The following TMPRSS2 variants were observed in gnomAD, a reference collection of about 807,000 sequenced individuals.
TMPRSS2 encodes the protein transmembrane serine protease 2.
A neutral mutation model predicts 67.4 loss-of-function variants in TMPRSS2; 59 were observed. That is an observed-to-expected ratio of 0.88 (90% CI 0.71 to 1.09). The LOEUF (loss-of-function observed/expected upper bound fraction) is 1.09, where lower values mean the gene tolerates loss of function less well. Ranked by LOEUF, TMPRSS2 falls within the 50% of genes least tolerant of loss-of-function variation. The probability of loss-of-function intolerance (pLI) is 0.00; values close to 1 mark genes in which losing one functional copy is unlikely to be tolerated. For missense variants in TMPRSS2, 668 were observed against 642.7 expected, an observed-to-expected ratio of 1.04 and a Z score of -0.43; for synonymous variants, 257 against 257.0, an observed-to-expected ratio of 1.00 and a Z score of 0.00.
chr21:41,468,355 A>G (rs1469048257), intron 12 of TMPRSS2, 41 bp downstream of exon 12: 1 of 1,610,938 alleles, frequency 6.2e-7, no homozygotes, highest in Non-Finnish European at 8.5e-7. Context: ...GTTCAGTAGG[A>G]TCTGGTAAGG....
At position 41,496,289 on chromosome 21, in the gene TMPRSS2, T is replaced by C. The variant is rs992198225; in HGVS notation, c.16-1711A>G. On this transcript the variant is annotated intron_variant, in intron 2 of 13. Transcript: ENST00000332149. ...AAGGAGCATAGTCTCTGTGTTATCC[T>C]GCAAATACCTCTTCTACATCCTCTT... Among the ~76,000 whole-genome samples the C allele has an allele frequency of 3.3e-5, 5 of 152,326 alleles. No homozygotes were observed. In the South Asian group the frequency reaches 1.0e-3, roughly 32 times the overall value.
Position 41,464,661 on chromosome 21 carries a change from A to C in TMPRSS2, c.*1481T>G, listed in dbSNP as rs919650029. 5 of 233,180 alleles carry C rather than the reference A, an allele frequency of 2.1e-5. No individual in the cohort carries two copies. The highest frequency in any genetic ancestry group is 4.2e-5 in the Non-Finnish European group (5 of 118,040). 14.4% of individuals were successfully genotyped at this position (233,180 alleles called of 1,614,324 possible). On this transcript the variant is annotated 3_prime_UTR_variant, in exon 14 of 14. Coordinates refer to ENST00000332149, the MANE Select transcript of TMPRSS2 (RefSeq NM_005656.4). ...AAGACAAACAGTTGTTCACATAAAT[A>C]AGAAGGGGCAATAAAGAAGGAAGAC...
rs2146494634 is a variant in TMPRSS2 at position 41,498,111 on chromosome 21, C to G, written c.15+8G>C. On this transcript the variant is annotated splice_region_variant and intron_variant, in intron 2 of 13. Coordinates refer to ENST00000332149, the MANE Select transcript of TMPRSS2 (RefSeq NM_005656.4). ...AAAAGGCCAGGAAGGTAATAATTAA[C>G]CACTTACTGAGTTCAAAGCCATCTT... 1 of 1,598,334 alleles carries G rather than the reference C, an allele frequency of 6.3e-7. No individual in the cohort carries two copies. Among genetic ancestry groups the G allele is most frequent in the South Asian group, 1.1e-5 (1 of 90,134 alleles).
At chr21:41,467,570 G>C (rs1270938371) in intron 13 of TMPRSS2, among the ~76,000 whole-genome samples, 164 bp downstream of exon 13, 5 of 152,128 alleles carry the variant, frequency 3.3e-5, no homozygotes, top group African/African-American at 1.2e-4. Flanking sequence ...ATGGGCAATG[G>C]GTGGACACTG....
At chr21:41,497,703 G>A (rs997062609) in intron 2 of TMPRSS2, among the ~76,000 whole-genome samples, 29 of 152,178 alleles carry the variant, frequency 1.9e-4, no homozygotes, top group Admixed American at 1.2e-3. Flanking sequence ...CAGGGAGAGG[G>A]AAGGCCCGCC....
At chr21:41,475,606 TGAGGA>T (rs2091203622) in intron 8 of TMPRSS2, among the ~76,000 whole-genome samples, 1 of 11,988 alleles carries the variant, frequency 8.3e-5, no homozygotes, top group Non-Finnish European at 2.1e-4. Context: ...AGGGGGAGAG[TGAGGA>T]GGTGAGGAGG....
chr21:41,494,472 G>T lies in TMPRSS2; in HGVS notation c.122C>A (p.Pro41Gln). 1 of 1,614,062 alleles carries T rather than the reference G, an allele frequency of 6.2e-7. No individual in the cohort carries two copies. The highest frequency in any genetic ancestry group is 8.5e-7 in the Non-Finnish European group (1 of 1,179,980). The stretch of plus-strand genomic sequence containing the variant: ...CACGGGGGACGGGTAGTACTGAGCC[G>T]GATGCACCTCGTAGACAGTGGGGAC... ...TVVPTVYEVH[P>Q]AQYYPSPVPQ... Residue 41 changes from proline to glutamine, a missense_variant, in exon 3 of 14, where the codon CCG becomes CAG. Pro to Gln is a moderately conservative substitution (Grantham distance 76). Coordinates refer to ENST00000332149, the MANE Select transcript of TMPRSS2 (RefSeq NM_005656.4).
At chr21:41,507,951 T>G (rs991895837) in intron 1 of TMPRSS2, 130 bp downstream of exon 1, 2 of 1,480,438 alleles carry the variant, frequency 1.4e-6, no homozygotes, top group Non-Finnish European at 1.8e-6. Flanking sequence ...CGCACTCACC[T>G]GCCGCGCCGC....
chr21:41,501,776 G>T (rs1307521013), intron 1 of TMPRSS2, among the ~76,000 whole-genome samples: 1 of 152,156 alleles, frequency 6.6e-6, no homozygotes, highest in Non-Finnish European at 1.5e-5. Flanking sequence ...TTCAAAACAG[G>T]CATTTCCTCA....
In TMPRSS2 at chr21:41,478,024, C is replaced by T. The variant is rs115967323; in HGVS notation, c.683+1148G>A. On this transcript the variant is annotated intron_variant, in intron 7 of 13. Transcript: ENST00000332149. The surrounding 1 kb of genome is among the most constrained non-coding windows in gnomAD (Gnocchi z 4.0). ...CTCCTCCCCTCCCCCCGTCCCTGCC[C>T]GGCTGGACTTGGCTCCCTGATTCCG... 3.3e-5 allele frequency among the ~76,000 whole-genome samples: 5 copies of T among 152,348 alleles called. No homozygotes were observed. The highest frequency in any genetic ancestry group is 1.9e-4 in the East Asian group (1 of 5,180).
At position 41,478,437 on chromosome 21, in the gene TMPRSS2, C is replaced by T. The variant is rs953671335; in HGVS notation, c.683+735G>A. ...GCAAGGAGAGCTCATGGGCAAAGGA[C>T]ACTGTGTATCTTTCACATCAGAAAA... On this transcript the variant is annotated intron_variant, in intron 7 of 13. Transcript: ENST00000332149. This position sits in a 1 kb window ranked among gnomAD's most constrained non-coding sequence, Gnocchi z 4.0. Among the ~76,000 whole-genome samples the T allele has an allele frequency of 2.0e-5, 3 of 152,224 alleles. No homozygotes were observed. Among genetic ancestry groups the T allele is most frequent in the African/African-American group, 7.2e-5 (3 of 41,446 alleles).
intron 5 of TMPRSS2, among the ~76,000 whole-genome samples, chr21:41,481,920 G>A (rs559150015): frequency 6.6e-6 from 1 of 152,242 alleles, no homozygotes; most frequent in African/African-American, 2.4e-5. Flanking sequence ...AATTAGCCAA[G>A]TGTGGTGGCA....
chr21:41,490,562 G>A (rs544023509), intron 3 of TMPRSS2, among the ~76,000 whole-genome samples: 21 of 152,320 alleles, frequency 1.4e-4, no homozygotes, highest in Admixed American at 4.6e-4. Context: ...TCCAAGTGCA[G>A]AAATACCAAA....
chr21:41,481,339 G>A (rs2091255699), intron 5 of TMPRSS2, among the ~76,000 whole-genome samples: 1 of 152,190 alleles, frequency 6.6e-6, no homozygotes, highest in African/African-American at 2.4e-5. Flanking sequence ...CATACTGCAT[G>A]AGCCGACTCA....
rs944837366 is a variant in TMPRSS2, at chr21:41,498,037, G to C, written c.15+82C>G. ...TTCCCTACAAATAGCCCTTGCAATT[G>C]CTGACCCCAAACAATGTTGGGAATA... On this transcript the variant is annotated intron_variant, in intron 2 of 13. Transcript: ENST00000332149. 5.4e-6 allele frequency: 6 copies of C among 1,102,280 alleles called. No homozygotes were observed. In the African/African-American group the frequency reaches 7.8e-5, roughly 14 times the overall value. 68.3% of individuals were successfully genotyped at this position (1,102,280 alleles called of 1,614,324 possible).
intron 2 of TMPRSS2, among the ~76,000 whole-genome samples, chr21:41,495,045 G>A (rs2091371139): frequency 1.4e-5 from 2 of 147,610 alleles, no homozygotes; most frequent in African/African-American, 2.5e-5. Context: ...CTCCAGCCTG[G>A]CGACAGAGCA....
At chr21:41,502,684 G>A (rs1456035960) in intron 1 of TMPRSS2, 2 of 665,520 alleles carry the variant, frequency 3.0e-6, no homozygotes, top group African/African-American at 3.9e-5. Flanking sequence ...TGGCTGTTCA[G>A]CAGAAACTTG....
chr21:41,479,470 A>T (rs1327448956), intron 6 of TMPRSS2, among the ~76,000 whole-genome samples, 188 bp from the exon 7 acceptor site: 2 of 152,216 alleles, frequency 1.3e-5, no homozygotes. Context: ...AATAACCCTA[A>T]AGTGTCAGAC....
chr21:41,504,689 C>T lies in TMPRSS2; in HGVS notation c.-57+3392G>A, dbSNP rs114848359. On this transcript the variant is annotated intron_variant, in intron 1 of 13. Coordinates refer to ENST00000332149, the MANE Select transcript of TMPRSS2 (RefSeq NM_005656.4). ...TTGGGTGTCCACAGGCTCGGTGGGG[C>T]CAAGGTGGTCAATGGCCATGGGGAC... is the stretch of plus-strand genomic sequence containing the variant. Among the ~76,000 whole-genome samples, 170 of 152,220 alleles carry T rather than the reference C, an allele frequency of 1.1e-3. 1 individual carries two copies. Among genetic ancestry groups the T allele is most frequent in the African/African-American group, 3.7e-3 (153 of 41,518 alleles).
Sources: allele counts gnomAD v4.1 joint callset (sites outside exome capture counted in the v4.1 genomes callset), GRCh38; gene constraint gnomAD v4.1.1; non-coding constraint Gnocchi (gnomAD v3.1); transcripts MANE v1.5; gene names NCBI Gene and HGNC (gene_info 2026-07-23, HGNC 2026-07-21).